Variants in ROBO2 observed in about 807,000 individuals in gnomAD.
ROBO2 encodes roundabout guidance receptor 2.
Under a neutral mutation model 160.8 loss-of-function variants are expected in ROBO2, and 53 were observed. The ratio of observed to expected loss-of-function variants is 0.33; its 90% CI spans 0.26 to 0.41. The LOEUF (loss-of-function observed/expected upper bound fraction) is 0.41, where lower values mean the gene tolerates loss of function less well. Among genes scored for constraint, ROBO2 ranks in the 10% least tolerant of loss-of-function variants. ROBO2 has a pLI of 1.00. For missense variants in ROBO2, 1,577 were observed against 1,722.4 expected, an observed-to-expected ratio of 0.92 and a Z score of 1.49; for synonymous variants, 664 against 611.7, an observed-to-expected ratio of 1.09 and a Z score of -1.26.
intron 8 of ROBO2, among the ~76,000 whole-genome samples, chr3:77,552,712 G>A (rs566506029): frequency 8.5e-5 from 13 of 152,118 alleles, no homozygotes; most frequent in African/African-American, 3.1e-4. Context: ...ACATTGATTA[G>A]AAGTTACAGT....
intron 2 of ROBO2, among the ~76,000 whole-genome samples, chr3:76,053,971 T>A (rs761839132): frequency 1.3e-4 from 20 of 152,148 alleles, no homozygotes; most frequent in Non-Finnish European, 2.5e-4. Context: ...ATCTGTACTT[T>A]ATATAACTAT....
At chr3:77,272,762 G>C (rs1478939099) in intron 2 of ROBO2, among the ~76,000 whole-genome samples, 2 of 152,002 alleles carry the variant, frequency 1.3e-5, no homozygotes, top group African/African-American at 2.4e-5. Flanking sequence ...CCATAGTTTT[G>C]TAAAAACCTT....
chr3:77,316,047 C>A (rs540189813), intron 2 of ROBO2, among the ~76,000 whole-genome samples: 1 of 152,174 alleles, frequency 6.6e-6, no homozygotes, highest in East Asian at 1.9e-4. Flanking sequence ...CAAAAGAAGT[C>A]CAATTTAGAT....
chr3:76,679,845 T>C (rs1326303605), intron 2 of ROBO2, among the ~76,000 whole-genome samples: 2 of 152,200 alleles, frequency 1.3e-5, no homozygotes, highest in African/African-American at 4.8e-5. Context: ...TCTCTGAATG[T>C]GTACTAATCT....
At chr3:76,880,870 C>T (rs34573601) in intron 2 of ROBO2, among the ~76,000 whole-genome samples, 10 of 152,016 alleles carry the variant, frequency 6.6e-5, no homozygotes, top group African/African-American at 1.2e-4. Context: ...TTTATTAACA[C>T]GGACTATTTT....
intron 2 of ROBO2, among the ~76,000 whole-genome samples, chr3:77,009,247 C>T (rs1440145084): frequency 6.6e-6 from 1 of 152,160 alleles, no homozygotes; most frequent in Non-Finnish European, 1.5e-5. Flanking sequence ...AATATTTACC[C>T]TCATTCCACC....
At chr3:77,261,112 T>C (rs946127781) in intron 2 of ROBO2, among the ~76,000 whole-genome samples, 11 of 152,176 alleles carry the variant, frequency 7.2e-5, no homozygotes, top group Non-Finnish European at 1.6e-4. Context: ...AGATAGCGTA[T>C]GGGAAAGCAA....
chr3:77,334,121 A>G (rs554788422), intron 2 of ROBO2, among the ~76,000 whole-genome samples: 1 of 152,314 alleles, frequency 6.6e-6, no homozygotes, highest in African/African-American at 2.4e-5. Flanking sequence ...ACCATGGAGA[A>G]GTGATAGTTT....
chr3:77,240,374 G>T (rs956923234), intron 2 of ROBO2, among the ~76,000 whole-genome samples: 5 of 152,134 alleles, frequency 3.3e-5, no homozygotes, highest in Admixed American at 6.5e-5. Context: ...CCAGTCGCCC[G>T]CTCCGAGTGG....
intron 2 of ROBO2, among the ~76,000 whole-genome samples, chr3:77,229,643 A>T (rs2086915446): frequency 6.7e-6 from 1 of 150,142 alleles, no homozygotes; most frequent in Admixed American, 6.7e-5. Context: ...CCCAGGCAAC[A>T]GAGTAAGGGT....
intron 2 of ROBO2, among the ~76,000 whole-genome samples, chr3:76,526,193 T>G (rs953452842): frequency 1.3e-5 from 2 of 152,088 alleles, no homozygotes; most frequent in Non-Finnish European, 2.9e-5. Flanking sequence ...GGAATCAACC[T>G]TAAGGTTACA....
At chr3:76,455,464 AAAATAAT>A (rs1400473614) in intron 2 of ROBO2, among the ~76,000 whole-genome samples, 2 of 152,268 alleles carry the variant, frequency 1.3e-5, no homozygotes, top group East Asian at 3.9e-4. Flanking sequence ...TAAAAAGAGT[AAAATAAT>A]AAAATGTATT....
At chr3:76,611,446 T>C (rs2088118682) in intron 2 of ROBO2, among the ~76,000 whole-genome samples, 1 of 152,196 alleles carries the variant, frequency 6.6e-6, no homozygotes, top group African/African-American at 2.4e-5. Context: ...TCAATCTCAT[T>C]ACCTGTTATT....
chr3:76,345,135 A>G (rs2074448403), intron 2 of ROBO2, among the ~76,000 whole-genome samples: 1 of 152,094 alleles, frequency 6.6e-6, no homozygotes, highest in African/African-American at 2.4e-5. Flanking sequence ...TTGGAGAGAA[A>G]AAAGAAAAGA....
chr3:76,811,511 T>C (rs557392404), intron 2 of ROBO2, among the ~76,000 whole-genome samples: 2 of 152,226 alleles, frequency 1.3e-5, no homozygotes, highest in East Asian at 3.9e-4. Flanking sequence ...AATGTCGTGT[T>C]TTAAATGTTG....
chr3:76,951,416 C>A lies in ROBO2; in HGVS notation c.110-146598C>A, dbSNP rs75571403. On this transcript the variant is annotated intron_variant, in intron 2 of 26. Coordinates refer to the ROBO2 transcript ENST00000487694. ...AATATTTAGCTTCATTCAACACTAT[C>A]TTGATAATGTATTTGAAATTAGATT... 1.8e-3 allele frequency among the ~76,000 whole-genome samples: 270 copies of A among 152,234 alleles called. 1 individual carries two copies. The highest frequency in any genetic ancestry group is 6.2e-3 in the African/African-American group (256 of 41,534).
chr3:77,298,916 G>A lies in ROBO2; in HGVS notation c.389-178498G>A, dbSNP rs181924645. Among the ~76,000 whole-genome samples, 177 of 152,224 alleles carry A rather than the reference G, an allele frequency of 1.2e-3. 4 individuals carry two copies. The highest frequency in any genetic ancestry group is 1.2e-3 in the Non-Finnish European group (79 of 68,008). ...TAAAACACTGACTGACAAAAGTGTC[G>A]TGAGATCTGGAACAAATCAGTAGCC... On this transcript the variant is annotated intron_variant, in intron 2 of 25. Coordinates refer to ENST00000461745, the Ensembl canonical transcript of ROBO2.
intron 2 of ROBO2, among the ~76,000 whole-genome samples, chr3:75,991,817 A>T (rs2065581853): frequency 6.6e-6 from 1 of 152,138 alleles, no homozygotes. Flanking sequence ...TACAGACAAT[A>T]ATATCCAGGT....
chr3:77,063,625 A>C (rs1475936395), intron 1 of ROBO2, among the ~76,000 whole-genome samples: 2 of 152,192 alleles, frequency 1.3e-5, no homozygotes, highest in Admixed American at 1.3e-4. Flanking sequence ...CACTTACGTT[A>C]GGCTACTTCG....
Sources: gnomAD v4.1 joint callset for allele counts (sites outside exome capture counted in the v4.1 genomes callset) on GRCh38, gnomAD v4.1.1 for gene constraint, MANE v1.5 for transcripts, NCBI Gene and HGNC (gene_info 2026-07-23, HGNC 2026-07-21) for gene names.